TMTC4: variants seen among roughly 807,000 people sequenced by gnomAD.
TMTC4 encodes protein O-mannosyl-transferase TMTC4.
Under a neutral mutation model 86.0 loss-of-function variants are expected in TMTC4, and 65 were observed. That is an observed-to-expected ratio of 0.76 (90% CI 0.62 to 0.93). The LOEUF (loss-of-function observed/expected upper bound fraction) is 0.93. TMTC4 is among the 40% of genes least tolerant of loss of function. TMTC4 has a pLI of 0.00. For synonymous variants in TMTC4, 379 were observed against 382.5 expected (o/e 0.99, Z 0.11); for missense variants, 866 against 948.1 (o/e 0.91, Z 1.14).
At chr13:100,637,357 C>G (rs1005941811) in intron 9 of TMTC4, among the ~76,000 whole-genome samples, 181 bp downstream of exon 9, 35 of 152,170 alleles carry the variant, frequency 2.3e-4, no homozygotes, top group Non-Finnish European at 1.0e-4. Flanking sequence ...CTTTCAACCC[C>G]CTCAGGAAGA....
intron 6 of TMTC4, among the ~76,000 whole-genome samples, chr13:100,650,653 G>T (rs1249145565): frequency 6.6e-6 from 1 of 152,228 alleles, no homozygotes; most frequent in Non-Finnish European, 1.5e-5. Flanking sequence ...TCTATGCACA[G>T]AATGAAAGAA....
intron 14 of TMTC4, 46 bp from the exon 15 acceptor site, chr13:100,625,722 T>G: frequency 6.2e-7 from 1 of 1,610,452 alleles, no homozygotes; most frequent in Non-Finnish European, 8.5e-7. Flanking sequence ...ATGAAAGGCT[T>G]AGATGCCGGA....
At chr13:100,620,877 T>A (rs975600149) in intron 15 of TMTC4, among the ~76,000 whole-genome samples, 5 of 152,164 alleles carry the variant, frequency 3.3e-5, no homozygotes, top group African/African-American at 1.2e-4. Context: ...AGCTATTAAG[T>A]TCTTATTTGC....
At chr13:100,640,475 C>A (rs186835865) in intron 7 of TMTC4, among the ~76,000 whole-genome samples, 1 of 152,170 alleles carries the variant, frequency 6.6e-6, no homozygotes, top group Admixed American at 6.5e-5. Flanking sequence ...TAATAAAACA[C>A]TAATTTTTGC....
At chr13:100,616,975 T>G (rs1878606288) in intron 15 of TMTC4, among the ~76,000 whole-genome samples, 1 of 152,234 alleles carries the variant, frequency 6.6e-6, no homozygotes, top group Non-Finnish European at 1.5e-5. Context: ...TTTACTCTCT[T>G]GATAGTTTCT....
intron 12 of TMTC4, 81 bp downstream of exon 12, chr13:100,634,724 C>T (rs1246363719): frequency 1.3e-6 from 2 of 1,517,486 alleles, no homozygotes; most frequent in African/African-American, 2.8e-5. Context: ...TACTGCGCGA[C>T]AGGAAATGTT....
chr13:100,662,934 A>G, intron 5 of TMTC4, 30 bp downstream of exon 5: 1 of 1,611,662 alleles, frequency 6.2e-7, no homozygotes, highest in Non-Finnish European at 8.5e-7. Context: ...TCTCACGTGC[A>G]TACAGATGCC....
intron 8 of TMTC4, 92 bp from the exon 9 acceptor site, chr13:100,637,794 CT>C (rs1216345365): frequency 6.4e-7 from 1 of 1,557,612 alleles, no homozygotes; most frequent in Non-Finnish European, 8.8e-7. Context: ...TCTGCCTGAA[CT>C]GCTTCAACAC....
At chr13:100,671,234 G>A (rs1887057433) in intron 1 of TMTC4, among the ~76,000 whole-genome samples, 1 of 152,158 alleles carries the variant, frequency 6.6e-6, no homozygotes, top group African/African-American at 2.4e-5. Context: ...TTGGGCACAA[G>A]TAACCCTCCT....
upstream of TMTC4, chr13:100,674,906 C>T (rs1025824127): frequency 1.1e-5 from 11 of 984,790 alleles, no homozygotes; most frequent in South Asian, 4.7e-5. Context: ...GGGCGCCCCC[C>T]AGCACCAGTC....
At chr13:100,634,087 C>T (rs540627933) in intron 12 of TMTC4, among the ~76,000 whole-genome samples, 2 of 150,336 alleles carry the variant, frequency 1.3e-5, no homozygotes, top group South Asian at 2.1e-4. Flanking sequence ...TGCAGTGAGC[C>T]GAGATCGCAC....
intron 7 of TMTC4, 105 bp downstream of exon 7, chr13:100,642,106 G>A: frequency 4.4e-6 from 5 of 1,140,766 alleles, no homozygotes; most frequent in Non-Finnish European, 6.4e-6. Context: ...GCAATGGGAT[G>A]TAGGCGTGGA....
At chr13:100,639,715 G>C (rs1037039371) in intron 7 of TMTC4, among the ~76,000 whole-genome samples, 1 of 152,130 alleles carries the variant, frequency 6.6e-6, no homozygotes, top group African/African-American at 2.4e-5. Context: ...TGAGGTGGGT[G>C]GATCACCTGA....
chr13:100,637,431 G>A, intron 9 of TMTC4, 107 bp downstream of exon 9: 3 of 1,414,566 alleles, frequency 2.1e-6, no homozygotes, highest in Non-Finnish European at 2.9e-6. Context: ...GCGTGTATTG[G>A]GGATTTTGTT....
Position 100,634,894 on chromosome 13 carries a change from T to C in TMTC4, c.1417A>G (p.Thr473Ala). 6.2e-7 allele frequency: 1 copy of C among 1,614,108 alleles called. No individual in the cohort carries two copies. The highest frequency in any genetic ancestry group is 1.1e-5 in the South Asian group (1 of 91,080). The change falls in exon 12 of 19, where the codon ACG (threonine) becomes GCG (alanine). Residue 473 changes from threonine (T) to alanine (A), a missense_variant. Coordinates refer to ENST00000342624, the MANE Select transcript of TMTC4 (RefSeq NM_032813.5). ...AVVLGILFIN[T>A]LRCVLRSGEW... ...CCGCTGCGCAGCACACATCTCAGCG[T>C]GTTGATGAATAAGATTCCCAGCACG... is the stretch of plus-strand genomic sequence containing the variant.
chr13:100,610,046 C>G lies in TMTC4; in HGVS notation c.2064+2352G>C, dbSNP rs533740159. Among the ~76,000 whole-genome samples, 4 of 152,354 alleles carry G rather than the reference C, an allele frequency of 2.6e-5. No homozygotes were observed. In the South Asian group the frequency reaches 8.3e-4, roughly 32 times the overall value. On this transcript the variant is annotated intron_variant, in intron 17 of 18. Transcript: ENST00000342624. ...AACTGGGTGCTTCGTAACTGCCCGACAGCAATGGAGATACAAAACTGGGAC... is the reference window on the plus strand; with the variant it reads ...AACTGGGTGCTTCGTAACTGCCCGAGAGCAATGGAGATACAAAACTGGGAC...
chr13:100,659,819 G>A lies in TMTC4; in HGVS notation c.552+3145C>T, dbSNP rs568183719. ...AGGCCAGGAGGGGGCAAGACTGTGA[G>A]GTGCCCAAGTCATCCCCATTTGCCC... On this transcript the variant is annotated intron_variant, in intron 5 of 18. Coordinates refer to ENST00000342624, the MANE Select transcript of TMTC4 (RefSeq NM_032813.5). 4.0e-5 allele frequency among the ~76,000 whole-genome samples: 6 copies of A among 150,022 alleles called. No individual in the cohort carries two copies. In the South Asian group the frequency reaches 1.3e-3, roughly 32 times the overall value.
chr13:100,629,570 T>C (rs549152653), intron 12 of TMTC4, among the ~76,000 whole-genome samples: 140 of 152,270 alleles, frequency 9.2e-4, no homozygotes, highest in Middle Eastern at 3.4e-3. Context: ...ATTACAGTGC[T>C]GGGGGAAGAT....
rs1876373271 is a variant in TMTC4 at position 100,605,116 on chromosome 13, GA to G, written c.2160del (p.Leu721Ter). 1 of 1,612,612 alleles carries G rather than the reference GA, an allele frequency of 6.2e-7. No individual in the cohort carries two copies. The highest frequency in any genetic ancestry group is 8.5e-7 in the Non-Finnish European group (1 of 1,179,546). On this transcript the variant is annotated frameshift_variant, in exon 19 of 19. Coordinates refer to ENST00000342624, the MANE Select transcript of TMTC4 (RefSeq NM_032813.5). LOFTEE classifies it high-confidence loss of function. This position sits in a 1 kb window ranked among gnomAD's most constrained non-coding sequence, Gnocchi z 4.3. The stretch of plus-strand genomic sequence containing the variant: ...TCATAGTGTTTCTTGGCCAAGTCTA[GA>G]TGTCCCCAACGATGATAAAGCACAG... ...NLAVLYHRWG[H>X]LDLAKKHYEI...
Sources: allele counts gnomAD v4.1 joint callset (sites outside exome capture counted in the v4.1 genomes callset), GRCh38; gene constraint gnomAD v4.1.1; non-coding constraint Gnocchi (gnomAD v3.1); transcripts MANE v1.5; gene names NCBI Gene and HGNC (gene_info 2026-07-23, HGNC 2026-07-21).